PIBF1: variants seen among roughly 807,000 people sequenced by gnomAD.
PIBF1 encodes progesterone immunomodulatory binding factor 1.
Under a neutral mutation model 112.5 loss-of-function variants are expected in PIBF1, and 90 were observed. The observed-to-expected ratio is 0.80, with a 90% CI of 0.67 to 0.95. The LOEUF (loss-of-function observed/expected upper bound fraction) is 0.95, where lower values mean the gene tolerates loss of function less well. PIBF1 is among the 40% of genes least tolerant of loss of function. The pLI is 0.00. For missense variants in PIBF1, 915 were observed against 852.3 expected, an observed-to-expected ratio of 1.07 and a Z score of -0.92; for synonymous variants, 301 against 288.6, an observed-to-expected ratio of 1.04 and a Z score of -0.44.
intron 14 of PIBF1, among the ~76,000 whole-genome samples, chr13:72,958,952 C>A (rs2042532288): frequency 6.6e-6 from 1 of 152,046 alleles, no homozygotes; most frequent in African/African-American, 2.4e-5. Flanking sequence ...AGGACTGGGG[C>A]CCACCAGAAT....
chr13:72,814,297 A>T (rs1330605560), intron 5 of PIBF1, among the ~76,000 whole-genome samples: 1 of 151,912 alleles, frequency 6.6e-6, no homozygotes, highest in Non-Finnish European at 1.5e-5. Context: ...TTAGCCGGGC[A>T]TAGTGGCAGG....
At chr13:72,968,466 A>G (rs1286976804) in intron 15 of PIBF1, among the ~76,000 whole-genome samples, 1 of 151,072 alleles carries the variant, frequency 6.6e-6, no homozygotes, top group African/African-American at 2.4e-5. Flanking sequence ...ACAGCCGGCT[A>G]ATTTTTGTGT....
chr13:72,950,538 C>T (rs1476288474), intron 14 of PIBF1, among the ~76,000 whole-genome samples: 1 of 152,174 alleles, frequency 6.6e-6, no homozygotes, highest in Non-Finnish European at 1.5e-5. Context: ...ATACACAGAG[C>T]ACTTGCCTTA....
At chr13:72,809,463 G>C (rs1294806183) in intron 5 of PIBF1, among the ~76,000 whole-genome samples, 1 of 151,416 alleles carries the variant, frequency 6.6e-6, no homozygotes, top group African/African-American at 2.4e-5. Flanking sequence ...AAACATTCAG[G>C]GTTTTAAATT....
chr13:72,903,550 G>A lies in PIBF1; in HGVS notation c.1489-4981G>A, dbSNP rs118190952. 8.5e-3 allele frequency among the ~76,000 whole-genome samples: 1,298 copies of A among 152,210 alleles called. 67 individuals are homozygous for A. Among genetic ancestry groups the A allele is most frequent in the East Asian group, 9.4e-3 (49 of 5,186 alleles). On this transcript the variant is annotated intron_variant, in intron 11 of 17. Coordinates refer to ENST00000326291, the MANE Select transcript of PIBF1 (RefSeq NM_006346.4). ...GCCACTTGCCACGTGTGATCATTTA[G>A]CACTTGAAATATGGCTACTTCACTG... is the stretch of plus-strand genomic sequence containing the variant.
intron 5 of PIBF1, among the ~76,000 whole-genome samples, chr13:72,801,451 C>T (rs1046772964): frequency 1.3e-5 from 2 of 151,946 alleles, no homozygotes; most frequent in Admixed American, 6.6e-5. Flanking sequence ...ATAAAATGTA[C>T]ACAAATCTAT....
chr13:72,851,426 A>G (rs968707380), intron 9 of PIBF1, among the ~76,000 whole-genome samples: 1 of 152,210 alleles, frequency 6.6e-6, no homozygotes, highest in Non-Finnish European at 1.5e-5. Context: ...GGCATTGCTG[A>G]CACCCCAGCC....
At chr13:72,825,928 A>C (rs2036789976) in intron 6 of PIBF1, among the ~76,000 whole-genome samples, 1 of 151,228 alleles carries the variant, frequency 6.6e-6, no homozygotes, top group Non-Finnish European at 1.5e-5. Flanking sequence ...TAAATTAGGC[A>C]CATGGTGGCA....
At chr13:72,935,947 T>C (rs1416575497) in intron 14 of PIBF1, among the ~76,000 whole-genome samples, 3 of 152,010 alleles carry the variant, frequency 2.0e-5, no homozygotes, top group African/African-American at 7.2e-5. Context: ...TTATCAGATA[T>C]ATGATTTACA....
chr13:72,968,164 A>G (rs999511716), intron 15 of PIBF1, among the ~76,000 whole-genome samples: 36 of 151,770 alleles, frequency 2.4e-4, no homozygotes, highest in Admixed American at 1.3e-4. Flanking sequence ...AACCTGGGCG[A>G]CAGAGCCAGA....
intron 6 of PIBF1, among the ~76,000 whole-genome samples, chr13:72,826,682 T>G (rs2036827615): frequency 6.6e-6 from 1 of 152,204 alleles, no homozygotes; most frequent in Non-Finnish European, 1.5e-5. Flanking sequence ...ATACATTCTT[T>G]AAAAGTTTTA....
At chr13:72,868,616 G>A (rs2039022970) in intron 10 of PIBF1, among the ~76,000 whole-genome samples, 1 of 152,094 alleles carries the variant, frequency 6.6e-6, no homozygotes, top group Non-Finnish European at 1.5e-5. Flanking sequence ...CCATACATTT[G>A]ATTAAGAAGT....
Position 73,016,102 on chromosome 13 carries a change from T to A in PIBF1, c.*183T>A, listed in dbSNP as rs8867. 55,020 of 254,080 alleles carry A rather than the reference T, an allele frequency of 0.22. 6,057 individuals are homozygous for A. Among genetic ancestry groups the A allele is most frequent in the Middle Eastern group, 0.25 (191 of 772 alleles). 15.7% of individuals were successfully genotyped at this position (254,080 alleles called of 1,614,324 possible). On this transcript the variant is annotated 3_prime_UTR_variant, in exon 18 of 18. Coordinates refer to ENST00000326291, the MANE Select transcript of PIBF1 (RefSeq NM_006346.4). ...TGTAAAGAACAATCAATATACTTTA[T>A]TTTTTTTTCTATTTTATAAAATAAA... is the stretch of plus-strand genomic sequence containing the variant.
chr13:72,900,242 G>T (rs1566424079), intron 11 of PIBF1, among the ~76,000 whole-genome samples: 1 of 151,130 alleles, frequency 6.6e-6, no homozygotes, highest in Non-Finnish European at 1.5e-5. Flanking sequence ...CCCAGAGTTA[G>T]AAAAAAAAAT....
intron 9 of PIBF1, among the ~76,000 whole-genome samples, chr13:72,841,640 G>A (rs1013495178): frequency 4.6e-5 from 7 of 152,070 alleles, no homozygotes; most frequent in Non-Finnish European, 8.8e-5. Context: ...CAGGCGTGGT[G>A]GCACAGGCCT....
intron 16 of PIBF1, among the ~76,000 whole-genome samples, chr13:72,980,477 T>TA (rs1219769431): frequency 6.6e-6 from 1 of 152,050 alleles, no homozygotes; most frequent in Non-Finnish European, 1.5e-5. Context: ...GAAAGATTTT[T>TA]AAAAAAGAGT....
chr13:72,948,963 G>A (rs1263978378), intron 14 of PIBF1, among the ~76,000 whole-genome samples: 1 of 152,162 alleles, frequency 6.6e-6, no homozygotes, highest in Non-Finnish European at 1.5e-5. Flanking sequence ...ATGAACTTTG[G>A]ATGGGAACAC....
At chr13:72,905,568 T>C (rs1003916310) in intron 11 of PIBF1, among the ~76,000 whole-genome samples, 3 of 152,168 alleles carry the variant, frequency 2.0e-5, no homozygotes, top group East Asian at 1.9e-4. Flanking sequence ...TGTCTACTTA[T>C]AAAGCAAATC....
At position 72,783,507 on chromosome 13, in the gene PIBF1, A is replaced by C. The variant is rs781616914; in HGVS notation, c.38A>C (p.Asn13Thr). ...ATTTCAAAGGAGTCAAAAAAAGTGAACATCTCTAGTTCTCTGGAATCTGAA... is the reference window on the plus strand; with the variant it reads ...ATTTCAAAGGAGTCAAAAAAAGTGACCATCTCTAGTTCTCTGGAATCTGAA... ...RKISKESKKV[N>T]ISSSLESEDI... The change falls in exon 2 of 18, where the codon AAC becomes ACC. Residue 13 changes from asparagine (N) to threonine (T), a missense_variant. Coordinates refer to ENST00000326291, the MANE Select transcript of PIBF1 (RefSeq NM_006346.4). 1.4e-5 allele frequency: 22 copies of C among 1,607,936 alleles called. No individual in the cohort carries two copies. The highest frequency in any genetic ancestry group is 1.8e-5 in the Non-Finnish European group (21 of 1,176,914).
Sources: gnomAD v4.1 joint callset for allele counts (sites outside exome capture counted in the v4.1 genomes callset) on GRCh38, gnomAD v4.1.1 for gene constraint, MANE v1.5 for transcripts, NCBI Gene and HGNC (gene_info 2026-07-23, HGNC 2026-07-21) for gene names.